Variants in C8orf34 observed in about 807,000 individuals in gnomAD.
C8orf34 encodes uncharacterized protein C8orf34.
In C8orf34, 65 loss-of-function variants were observed where a neutral mutation model predicts 68.3. The ratio of observed to expected loss-of-function variants is 0.95; its 90% CI spans 0.78 to 1.17. The LOEUF is 1.17. C8orf34 is among the 50% of genes most tolerant of loss of function. C8orf34 has a pLI of 0.00. For synonymous variants in C8orf34, 244 were observed against 241.2 expected, an observed-to-expected ratio of 1.01 and a Z score of -0.11; for missense variants, 664 against 655.4, an observed-to-expected ratio of 1.01 and a Z score of -0.14.
chr8:68,603,544 T>C (rs1191973598), intron 7 of C8orf34, among the ~76,000 whole-genome samples: 1,543 of 91,408 alleles, frequency 0.017, 43 homozygotes, highest in African/African-American at 0.11. Context: ...TATCTATCTA[T>C]CTATCTATCT....
chr8:68,704,230 A>G lies in C8orf34; in HGVS notation c.1242-4764A>G, dbSNP rs573537328. On this transcript the variant is annotated intron_variant, in intron 8 of 13. Transcript: ENST00000518698. ...TAAGAGCTATGGTAAAGATTTGCAC[A>G]GGTGCTAAGACTTTTGGAAGAAAAC... Among the ~76,000 whole-genome samples, 120 of 152,308 alleles carry G rather than the reference A, an allele frequency of 7.9e-4. 1 individual carries two copies. Among genetic ancestry groups the G allele is most frequent in the African/African-American group, 2.8e-3 (116 of 41,586 alleles).
chr8:68,594,094 TTAGTGAAAGTCTTG>T (rs1222065419), intron 7 of C8orf34, among the ~76,000 whole-genome samples: 1 of 152,096 alleles, frequency 6.6e-6, no homozygotes, highest in Non-Finnish European at 1.5e-5. Context: ...TCATTGGTAT[TTAGTGAAAGTCTTG>T]TGGTCTTGGG....
In C8orf34 at chr8:68,716,113, T is replaced by C. The variant is rs555257986; in HGVS notation, c.1328-5248T>C. Among the ~76,000 whole-genome samples the C allele has an allele frequency of 4.0e-5, 6 of 151,542 alleles. No homozygotes were observed. In the South Asian group the frequency reaches 1.2e-3, roughly 32 times the overall value. Reference sequence around the variant, plus strand: ...TCTCACTCATATGTGGGAGCTAAGCTATGAGGACGAAAAGGCATAAGATTG... The same window carrying C: ...TCTCACTCATATGTGGGAGCTAAGCCATGAGGACGAAAAGGCATAAGATTG... On this transcript the variant is annotated intron_variant, in intron 9 of 13. Coordinates refer to ENST00000518698, the MANE Select transcript of C8orf34 (RefSeq NM_052958.4).
At chr8:68,723,022 C>T (rs1431215722) in intron 10 of C8orf34, among the ~76,000 whole-genome samples, 1 of 152,000 alleles carries the variant, frequency 6.6e-6, no homozygotes, top group Non-Finnish European at 1.5e-5. Context: ...AACAGAAATT[C>T]AGAGAAGCTA....
intron 8 of C8orf34, among the ~76,000 whole-genome samples, chr8:68,671,837 G>C (rs573164827): frequency 8.6e-5 from 13 of 151,906 alleles, no homozygotes; most frequent in Non-Finnish European, 1.8e-4. Context: ...TTCCTTTAAC[G>C]AAAAGGGTTT....
At chr8:68,634,164 C>T (rs1227678725) in intron 7 of C8orf34, among the ~76,000 whole-genome samples, 1 of 152,156 alleles carries the variant, frequency 6.6e-6, no homozygotes, top group Non-Finnish European at 1.5e-5. Flanking sequence ...TTCTCTCTGT[C>T]TCAATTTTTT....
At chr8:68,351,390 T>A (rs1325158686) in intron 1 of C8orf34, among the ~76,000 whole-genome samples, 1 of 152,062 alleles carries the variant, frequency 6.6e-6, no homozygotes, top group Non-Finnish European at 1.5e-5. Flanking sequence ...GCCTTTAACA[T>A]TATTTCTTTC....
chr8:68,621,048 A>T (rs1276827415), intron 7 of C8orf34, among the ~76,000 whole-genome samples: 1 of 152,200 alleles, frequency 6.6e-6, no homozygotes, highest in Non-Finnish European at 1.5e-5. Flanking sequence ...TGGATCTGGA[A>T]ATCTATTCAA....
chr8:68,753,378 A>G (rs1205043782), intron 10 of C8orf34, among the ~76,000 whole-genome samples: 1 of 152,220 alleles, frequency 6.6e-6, no homozygotes, highest in Non-Finnish European at 1.5e-5. Context: ...AAATGGTTTT[A>G]GCCTTAAAAA....
intron 12 of C8orf34, among the ~76,000 whole-genome samples, chr8:68,794,506 T>TATATATATATATACATA (rs58048066): frequency 3.4e-5 from 2 of 59,016 alleles, no homozygotes; most frequent in Non-Finnish European, 5.9e-5. Flanking sequence ...TATATATATA[T>TATATATATATATACATA]TTTTTTTTTT....
chr8:68,798,370 C>T (rs149109402), intron 12 of C8orf34, among the ~76,000 whole-genome samples: 16 of 149,906 alleles, frequency 1.1e-4, no homozygotes, highest in Non-Finnish European at 7.4e-5. Flanking sequence ...GATCACAGCT[C>T]ACTGCAGCCT....
At chr8:68,636,921 G>A (rs1327170524) in intron 7 of C8orf34, among the ~76,000 whole-genome samples, 21 of 152,088 alleles carry the variant, frequency 1.4e-4, no homozygotes, top group Admixed American at 1.0e-3. Flanking sequence ...AGCCAATGGC[G>A]TGACTGACTT....
At chr8:68,452,440 T>A (rs531928400) in intron 3 of C8orf34, among the ~76,000 whole-genome samples, 82 of 151,706 alleles carry the variant, frequency 5.4e-4, no homozygotes, top group African/African-American at 1.8e-3. Flanking sequence ...TTTCCTTTTT[T>A]AAAAAAATTT....
intron 5 of C8orf34, among the ~76,000 whole-genome samples, chr8:68,510,407 C>A (rs1207620434): frequency 6.6e-6 from 1 of 152,108 alleles, no homozygotes; most frequent in African/African-American, 2.4e-5. Context: ...GCAGGATTTG[C>A]AGGATAATTG....
At chr8:68,616,794 T>G (rs1818231366) in intron 7 of C8orf34, among the ~76,000 whole-genome samples, 1 of 152,144 alleles carries the variant, frequency 6.6e-6, no homozygotes, top group African/African-American at 2.4e-5. Context: ...GTTCTGTAGA[T>G]GTCTATTAGG....
At chr8:68,510,976 G>A (rs900691852) in intron 5 of C8orf34, among the ~76,000 whole-genome samples, 2 of 152,156 alleles carry the variant, frequency 1.3e-5, no homozygotes, top group African/African-American at 2.4e-5. Context: ...GAGGGTATGA[G>A]GCCAGTCTCC....
chr8:68,571,060 G>A (rs914869655), intron 7 of C8orf34, among the ~76,000 whole-genome samples: 1 of 152,128 alleles, frequency 6.6e-6, no homozygotes, highest in African/African-American at 2.4e-5. Context: ...CTGGGAAATG[G>A]CACTATTCCT....
chr8:68,538,283 G>A (rs530577587), intron 7 of C8orf34, among the ~76,000 whole-genome samples: 1 of 152,204 alleles, frequency 6.6e-6, no homozygotes, highest in Non-Finnish European at 1.5e-5. Context: ...TGGTGTTAGT[G>A]GTATATGGCC....
At chr8:68,357,443 CA>C (rs1806796277) in intron 1 of C8orf34, among the ~76,000 whole-genome samples, 1 of 152,094 alleles carries the variant, frequency 6.6e-6, no homozygotes, top group African/African-American at 2.4e-5. Flanking sequence ...GTGCAACTGG[CA>C]ACATTCCACT....
Sources: gnomAD v4.1 joint callset for allele counts (sites outside exome capture counted in the v4.1 genomes callset) on GRCh38, gnomAD v4.1.1 for gene constraint, MANE v1.5 for transcripts, NCBI Gene and HGNC (gene_info 2026-07-23, HGNC 2026-07-21) for gene names.